The following GSG1L variants were observed in gnomAD, a reference collection of about 807,000 sequenced individuals.
GSG1L encodes germ cell-specific gene 1-like protein.
Under a neutral mutation model 42.1 loss-of-function variants are expected in GSG1L, and 24 were observed. The observed-to-expected ratio is 0.57, with a 90% CI of 0.41 to 0.80. The LOEUF (loss-of-function observed/expected upper bound fraction) is 0.80, where lower values mean the gene tolerates loss of function less well. GSG1L is among the 30% of genes least tolerant of loss of function. The probability of loss-of-function intolerance (pLI) is 0.00; values close to 1 mark genes in which losing one functional copy is unlikely to be tolerated. For synonymous variants in GSG1L, 215 were observed against 203.5 expected (o/e 1.06, Z -0.48); for missense variants, 445 against 472.2 (o/e 0.94, Z 0.53).
intron 2 of GSG1L, among the ~76,000 whole-genome samples, chr16:27,935,953 T>C (rs544807986): frequency 1.9e-4 from 29 of 150,096 alleles, no homozygotes; most frequent in African/African-American, 6.1e-4. Context: ...ACCCGATCCG[T>C]ATCTCAAGTG....
intron 5 of GSG1L, among the ~76,000 whole-genome samples, chr16:27,810,475 G>A (rs910471936): frequency 2.0e-5 from 3 of 152,042 alleles, no homozygotes; most frequent in Non-Finnish European, 4.4e-5. Context: ...GTCTCAAAAA[G>A]TAAAAAAGAT....
intron 1 of GSG1L, among the ~76,000 whole-genome samples, chr16:28,020,243 G>A (rs140049969): frequency 2.2e-3 from 330 of 152,276 alleles, no homozygotes; most frequent in African/African-American, 7.4e-3. Flanking sequence ...GCAGGGTGCC[G>A]TCTTTGTGCG....
chr16:27,940,714 GA>G (rs2084782315), intron 2 of GSG1L, among the ~76,000 whole-genome samples: 1 of 112,792 alleles, frequency 8.9e-6, no homozygotes, highest in Non-Finnish European at 1.9e-5. Flanking sequence ...GGGGTGGGGG[GA>G]GTGGGGAGGG....
Position 28,023,783 on chromosome 16 carries a change from GGGAGA to G in GSG1L, c.349+39288_349+39292del, listed in dbSNP as rs1190035101. Among the ~76,000 whole-genome samples, 198 of 152,312 alleles carry G rather than the reference GGGAGA, an allele frequency of 1.3e-3. 1 individual carries two copies. Among genetic ancestry groups the G allele is most frequent in the African/African-American group, 4.5e-3 (188 of 41,560 alleles). On this transcript the variant is annotated intron_variant, in intron 1 of 6. Coordinates refer to ENST00000447459, the MANE Select transcript of GSG1L (RefSeq NM_001109763.2). ...TTCACATCTGTAATCCCAGCACTTT[GGGAGA>G]CCAAGGTGGGAGGATCGCTTGAGCC... is the stretch of plus-strand genomic sequence containing the variant.
chr16:27,979,385 A>G (rs1229098847), intron 1 of GSG1L, among the ~76,000 whole-genome samples: 3 of 151,468 alleles, frequency 2.0e-5, no homozygotes, highest in Non-Finnish European at 2.9e-5. Flanking sequence ...GGCCAACATA[A>G]TGAAACCCCA....
At chr16:27,890,028 T>A (rs1178221532) in intron 2 of GSG1L, among the ~76,000 whole-genome samples, 2 of 152,172 alleles carry the variant, frequency 1.3e-5, no homozygotes, top group Non-Finnish European at 2.9e-5. Flanking sequence ...CCTCTCTGCC[T>A]CCAGGAACCA....
intron 1 of GSG1L, among the ~76,000 whole-genome samples, chr16:28,015,321 T>C (rs1279521885): frequency 1.3e-5 from 2 of 152,134 alleles, no homozygotes; most frequent in South Asian, 2.1e-4. Flanking sequence ...CTGGGCAACA[T>C]AGCAAGACCC....
intron 1 of GSG1L, among the ~76,000 whole-genome samples, chr16:27,993,584 G>A (rs576727962): frequency 1.4e-4 from 21 of 152,230 alleles, no homozygotes; most frequent in African/African-American, 4.6e-4. Context: ...GCCCAGCCTC[G>A]AAAAAAGCCC....
intron 1 of GSG1L, among the ~76,000 whole-genome samples, chr16:28,028,855 G>A (rs553500122): frequency 3.9e-5 from 6 of 152,296 alleles, no homozygotes; most frequent in South Asian, 2.1e-4. Flanking sequence ...TGTGGTCCCC[G>A]GCAGCCAGAA....
chr16:28,038,397 G>A (rs959725990), intron 1 of GSG1L, among the ~76,000 whole-genome samples: 15 of 152,168 alleles, frequency 9.9e-5, no homozygotes, highest in Non-Finnish European at 1.5e-4. Flanking sequence ...CTCAGGAAGC[G>A]GAAGAGGCAG....
At chr16:27,928,658 C>A (rs1042499295) in intron 2 of GSG1L, among the ~76,000 whole-genome samples, 1 of 152,142 alleles carries the variant, frequency 6.6e-6, no homozygotes, top group South Asian at 2.1e-4. Context: ...TGGTGACATT[C>A]GGCAGGTGAG....
chr16:27,820,716 C>A (rs1172667107), intron 5 of GSG1L, among the ~76,000 whole-genome samples: 4 of 152,086 alleles, frequency 2.6e-5, no homozygotes, highest in Non-Finnish European at 5.9e-5. Flanking sequence ...GTGCAGCGAG[C>A]ACTGGCATCA....
At chr16:27,823,070 C>A (rs940038736) in intron 5 of GSG1L, among the ~76,000 whole-genome samples, 2 of 152,152 alleles carry the variant, frequency 1.3e-5, no homozygotes, top group African/African-American at 4.8e-5. Context: ...ATTGTTAAAC[C>A]AGATCTGAGC....
At chr16:27,949,704 T>G (rs2084929789) in intron 2 of GSG1L, among the ~76,000 whole-genome samples, 2 of 152,162 alleles carry the variant, frequency 1.3e-5, no homozygotes, top group East Asian at 1.9e-4. Flanking sequence ...GGCGGGCGGA[T>G]CACGAGGTCA....
intron 3 of GSG1L, among the ~76,000 whole-genome samples, chr16:27,855,852 G>T (rs1308989882): frequency 6.6e-6 from 1 of 151,982 alleles, no homozygotes; most frequent in Non-Finnish European, 1.5e-5. Context: ...GGCTCGGGAG[G>T]TACAGGGGCC....
intron 1 of GSG1L, among the ~76,000 whole-genome samples, chr16:28,014,283 C>G (rs956551783): frequency 3.3e-5 from 5 of 152,200 alleles, no homozygotes; most frequent in African/African-American, 1.2e-4. Context: ...GGAGGACATA[C>G]TAATAAACAG....
intron 2 of GSG1L, among the ~76,000 whole-genome samples, chr16:27,962,787 T>C (rs1470368391): frequency 6.6e-6 from 1 of 152,240 alleles, no homozygotes; most frequent in African/African-American, 2.4e-5. Context: ...GGCACCTGGC[T>C]TCCCTCCCCC....
intron 3 of GSG1L, among the ~76,000 whole-genome samples, chr16:27,867,008 T>C (rs1380904905): frequency 6.6e-6 from 1 of 152,154 alleles, no homozygotes; most frequent in Non-Finnish European, 1.5e-5. Context: ...GAGTGCCTAT[T>C]TGAAGGGGCA....
At chr16:27,956,247 A>C (rs563473303) in intron 2 of GSG1L, among the ~76,000 whole-genome samples, 2 of 152,232 alleles carry the variant, frequency 1.3e-5, no homozygotes, top group Non-Finnish European at 2.9e-5. Context: ...CAGAAGAGGA[A>C]GCAATAATAG....
Sources: gnomAD v4.1 joint callset for allele counts (sites outside exome capture counted in the v4.1 genomes callset) on GRCh38, gnomAD v4.1.1 for gene constraint, MANE v1.5 for transcripts, NCBI Gene and HGNC (gene_info 2026-07-23, HGNC 2026-07-21) for gene names.